CFAP54: variants seen among roughly 807,000 people sequenced by gnomAD.
The protein encoded by CFAP54 is cilia- and flagella-associated protein 54.
CFAP54 carries 290 observed loss-of-function variants against 370.4 expected under a neutral mutation model. The observed-to-expected ratio is 0.78, with a 90% CI of 0.71 to 0.86. CFAP54 has a LOEUF of 0.86. Ranked by LOEUF, CFAP54 falls within the 40% of genes least tolerant of loss-of-function variation. The pLI, the probability that CFAP54 is intolerant of heterozygous loss-of-function variation, is 0.00. For synonymous variants in CFAP54, 1,206 were observed against 1,236.5 expected, an observed-to-expected ratio of 0.98 and a Z score of 0.52; for missense variants, 3,399 against 3,528.7, an observed-to-expected ratio of 0.96 and a Z score of 0.93.
intron 60 of CFAP54, among the ~76,000 whole-genome samples, chr12:96,774,408 C>T (rs774989938): frequency 3.3e-4 from 50 of 152,204 alleles, no homozygotes; most frequent in Non-Finnish European, 6.6e-4. Context: ...GAAATCTATT[C>T]GGAATATGTA....
At chr12:96,863,153 T>TTGGC (rs1959918005) in intron 67 of CFAP54, among the ~76,000 whole-genome samples, 1 of 148,134 alleles carries the variant, frequency 6.8e-6, no homozygotes, top group Non-Finnish European at 1.5e-5. Flanking sequence ...TCTATATTTG[T>TTGGC]TGGATGGATG....
intron 48 of CFAP54, among the ~76,000 whole-genome samples, chr12:96,709,298 A>G (rs11108644): frequency 0.088 from 13,373 of 152,314 alleles, 814 homozygotes; most frequent in South Asian, 0.28. Flanking sequence ...CATGCACTTC[A>G]TTTCCAAGGA....
chr12:96,499,846 T>G (rs1006663904), intron 1 of CFAP54, among the ~76,000 whole-genome samples: 3 of 152,094 alleles, frequency 2.0e-5, no homozygotes, highest in Non-Finnish European at 4.4e-5. Context: ...CTCGGGAGGC[T>G]GAGGAAGGAG....
chr12:96,576,823 A>G (rs1955983427), intron 20 of CFAP54, 62 bp downstream of exon 20: 7 of 1,316,314 alleles, frequency 5.3e-6, no homozygotes, highest in South Asian at 1.4e-5. Flanking sequence ...TATAACTACC[A>G]TGATTCATAC....
intron 39 of CFAP54, among the ~76,000 whole-genome samples, chr12:96,665,665 T>C (rs1056427650): frequency 3.3e-5 from 5 of 152,224 alleles, no homozygotes; most frequent in African/African-American, 1.2e-4. Context: ...TCTATTCTGT[T>C]CCACTGGTGT....
intron 25 of CFAP54, 87 bp downstream of exon 25, chr12:96,594,533 T>G: frequency 9.8e-7 from 1 of 1,021,214 alleles, no homozygotes; most frequent in Non-Finnish European, 1.3e-6. Context: ...CATGTATCTC[T>G]TATAAAGGGC....
Position 96,729,131 on chromosome 12 carries a change from G to A in CFAP54, c.6965+8566G>A, listed in dbSNP as rs532549731. 5.5e-3 allele frequency among the ~76,000 whole-genome samples: 843 copies of A among 151,950 alleles called. 12 individuals are homozygous for A. Among genetic ancestry groups the A allele is most frequent in the African/African-American group, 0.019 (796 of 41,252 alleles). ...TTAGGCTGCTCGGGGGTCAGGGGTC[G>A]GGGACCCACTTGAGGAGGCAGTCTG... On this transcript the variant is annotated intron_variant, in intron 50 of 67. Coordinates refer to ENST00000524981, the MANE Select transcript of CFAP54 (RefSeq NM_001306084.2).
chr12:96,579,090 A>C (rs970603195), intron 20 of CFAP54, among the ~76,000 whole-genome samples: 6 of 152,206 alleles, frequency 3.9e-5, no homozygotes, highest in African/African-American at 1.4e-4. Flanking sequence ...ATCATAGAAC[A>C]TAGTCTTTCT....
At chr12:96,593,918 C>T (rs968035228) in intron 24 of CFAP54, among the ~76,000 whole-genome samples, 1 of 151,792 alleles carries the variant, frequency 6.6e-6, no homozygotes, top group Admixed American at 6.6e-5. Context: ...GAAATGAGAA[C>T]CTGTTAATCA....
intron 66 of CFAP54, among the ~76,000 whole-genome samples, chr12:96,846,982 C>T (rs916131099): frequency 3.3e-5 from 5 of 152,144 alleles, no homozygotes; most frequent in Admixed American, 1.3e-4. Context: ...GGGCTCAGTC[C>T]TGTGAGACTT....
chr12:96,600,853 T>C (rs1466415283), intron 26 of CFAP54, among the ~76,000 whole-genome samples: 4 of 152,288 alleles, frequency 2.6e-5, no homozygotes, highest in African/African-American at 9.6e-5. Flanking sequence ...CTTAAGGAGA[T>C]TTTGGGCTGA....
In CFAP54 at chr12:96,626,920, G is replaced by C. The variant is rs1286193766; in HGVS notation, c.4084G>C (p.Val1362Leu). 3 of 1,394,406 alleles carry C rather than the reference G, an allele frequency of 2.2e-6. No individual in the cohort carries two copies. The highest frequency in any genetic ancestry group is 1.9e-6 in the Non-Finnish European group (2 of 1,066,122). The allele number at this position is 1,394,406 out of a possible 1,614,324, so 86.4% of individuals were successfully genotyped here. Reference protein sequence around the residue: ...FHLMVEVTTPVHDFLKRRNES... With the variant: ...FHLMVEVTTPLHDFLKRRNES... Reference sequence around the variant, plus strand: ...TCTTATGGTAGAGGTAACAACTCCTGTCCATGACTTCTTGAAAAGGTACTT... The same window carrying C: ...TCTTATGGTAGAGGTAACAACTCCTCTCCATGACTTCTTGAAAAGGTACTT... The change falls in exon 30 of 68, where the codon GTC (valine) becomes CTC (leucine). Residue 1362 changes from valine (V) to leucine (L), a missense_variant. Val to Leu is a conservative substitution (Grantham distance 32). Around this residue, in one of 3 missense-constraint regions of CFAP54, gnomAD observed 2,796 missense variants for 2,869.7 expected, o/e 0.97. Transcript: ENST00000524981.
chr12:96,777,416 C>G lies in CFAP54; in HGVS notation c.8282-7301C>G, dbSNP rs180979767. 3.5e-3 allele frequency among the ~76,000 whole-genome samples: 522 copies of G among 150,908 alleles called. 5 individuals are homozygous for G. The highest frequency in any genetic ancestry group is 0.012 in the African/African-American group (494 of 41,070). On this transcript the variant is annotated intron_variant, in intron 60 of 67. Coordinates refer to ENST00000524981, the MANE Select transcript of CFAP54 (RefSeq NM_001306084.2). ...GGCTGCTGGAGTGCAATGGCGCAAT[C>G]TCGCCTCCCTGCAACCTCCGCCTCC...
At chr12:96,769,146 A>C (rs958448097) in intron 60 of CFAP54, among the ~76,000 whole-genome samples, 1 of 148,868 alleles carries the variant, frequency 6.7e-6, no homozygotes, top group African/African-American at 2.5e-5. Context: ...CATGCTACCT[A>C]CTTTGGGCCC....
chr12:96,709,842 T>A (rs1271200517), intron 48 of CFAP54, among the ~76,000 whole-genome samples: 1 of 151,994 alleles, frequency 6.6e-6, no homozygotes, highest in Non-Finnish European at 1.5e-5. Flanking sequence ...TGCCTCAGCC[T>A]CCCAAGTAAT....
At chr12:96,792,666 C>T (rs570512368) in intron 63 of CFAP54, among the ~76,000 whole-genome samples, 167 bp downstream of exon 63, 11 of 152,158 alleles carry the variant, frequency 7.2e-5, no homozygotes, top group African/African-American at 1.9e-4. Context: ...ACCAAGAAAT[C>T]GGGGAAAGTC....
At chr12:96,538,804 T>C (rs1264663768) in intron 13 of CFAP54, 3 of 275,396 alleles carry the variant, frequency 1.1e-5, no homozygotes, top group East Asian at 1.6e-4. Flanking sequence ...GCTGCAGTAG[T>C]ATGGTACCAT....
intron 14 of CFAP54, among the ~76,000 whole-genome samples, chr12:96,543,760 A>G (rs2136390690): frequency 6.6e-6 from 1 of 152,216 alleles, no homozygotes; most frequent in African/African-American, 2.4e-5. Context: ...TGAAGCTGAA[A>G]TGCTTTCTCC....
At chr12:96,567,907 C>G (rs1227419993) in intron 19 of CFAP54, among the ~76,000 whole-genome samples, 2 of 152,076 alleles carry the variant, frequency 1.3e-5, no homozygotes, top group Admixed American at 1.3e-4. Context: ...AGTGTTAAGG[C>G]TTAATGATCA....
Sources: allele counts gnomAD v4.1 joint callset (sites outside exome capture counted in the v4.1 genomes callset), GRCh38; gene constraint gnomAD v4.1.1; regional missense constraint gnomAD v4.1.1; transcripts MANE v1.5; gene names NCBI Gene and HGNC (gene_info 2026-07-23, HGNC 2026-07-21).